Variants in SCHIP1 observed in about 807,000 individuals in gnomAD.
SCHIP1 encodes the protein schwannomin interacting protein 1, also known as schwannomin-interacting protein 1.
SCHIP1 carries 8 observed loss-of-function variants against 29.7 expected under a neutral mutation model. The observed-to-expected ratio is 0.27, with a 90% CI of 0.16 to 0.49. SCHIP1 has a LOEUF of 0.49. SCHIP1 is among the 20% of genes least tolerant of loss of function. The pLI is 0.99. For synonymous variants in SCHIP1, 76 were observed against 94.9 expected, an observed-to-expected ratio of 0.80 and a Z score of 1.16; for missense variants, 193 against 294.6, an observed-to-expected ratio of 0.66 and a Z score of 2.52.
chr3:159,541,411 A>C, the SCHIP1 span, among the ~76,000 whole-genome samples: 1 of 152,100 alleles, frequency 6.6e-6, no homozygotes, highest in Admixed American at 6.6e-5. Context: ...AAGGATTAAA[A>C]GTAGGGAAGT....
chr3:159,279,167 A>C, the SCHIP1 span, among the ~76,000 whole-genome samples: 1 of 152,150 alleles, frequency 6.6e-6, no homozygotes, highest in Non-Finnish European at 1.5e-5. Context: ...AGAGGACCCA[A>C]TGGAGGGTAA....
At chr3:159,678,434 G>T in the SCHIP1 span, among the ~76,000 whole-genome samples, 2 of 152,176 alleles carry the variant, frequency 1.3e-5, no homozygotes, top group African/African-American at 4.8e-5. Context: ...AGCTCTAGTA[G>T]ACACATTTTG....
At chr3:159,426,696 C>A in the SCHIP1 span, among the ~76,000 whole-genome samples, 2 of 152,202 alleles carry the variant, frequency 1.3e-5, no homozygotes, top group Non-Finnish European at 2.9e-5. Flanking sequence ...AGGCCAGCAT[C>A]ATCCTGATAC....
the SCHIP1 span, among the ~76,000 whole-genome samples, chr3:159,469,291 G>A: frequency 1.3e-5 from 2 of 152,080 alleles, no homozygotes; most frequent in Non-Finnish European, 2.9e-5. Flanking sequence ...AAGTAATGAT[G>A]GAGTATGGCA....
At chr3:159,494,415 A>C in the SCHIP1 span, among the ~76,000 whole-genome samples, 6 of 152,160 alleles carry the variant, frequency 3.9e-5, no homozygotes, top group African/African-American at 1.2e-4. Flanking sequence ...AAAATGACAA[A>C]GGAGATATCA....
chr3:159,396,655 C>G, the SCHIP1 span, among the ~76,000 whole-genome samples: 7 of 152,346 alleles, frequency 4.6e-5, no homozygotes, highest in Non-Finnish European at 1.0e-4. Flanking sequence ...GGCCCCAACT[C>G]TCCTCTGGCT....
chr3:159,597,817 G>A, the SCHIP1 span, among the ~76,000 whole-genome samples: 11 of 152,176 alleles, frequency 7.2e-5, no homozygotes, highest in African/African-American at 2.4e-4. Flanking sequence ...TGGATTGAAT[G>A]TGTATTAGCT....
At chr3:159,506,662 T>C in the SCHIP1 span, among the ~76,000 whole-genome samples, 1 of 152,224 alleles carries the variant, frequency 6.6e-6, no homozygotes, top group Non-Finnish European at 1.5e-5. Flanking sequence ...AAGGAAGGGA[T>C]CCAGTTTCAG....
At chr3:159,469,405 G>C in the SCHIP1 span, among the ~76,000 whole-genome samples, 6 of 152,126 alleles carry the variant, frequency 3.9e-5, no homozygotes, top group Non-Finnish European at 7.3e-5. Context: ...AATTCAGAGT[G>C]AAATTGGGAA....
the SCHIP1 span, among the ~76,000 whole-genome samples, chr3:159,473,690 A>AAAAAAAAAAG: frequency 6.8e-6 from 1 of 147,888 alleles, no homozygotes; most frequent in African/African-American, 2.5e-5. Context: ...AAAAAAAAAA[A>AAAAAAAAAAG]AAAAGAAAAG....
chr3:159,713,415 C>G, the SCHIP1 span, among the ~76,000 whole-genome samples: 4 of 152,140 alleles, frequency 2.6e-5, no homozygotes, highest in Admixed American at 2.6e-4. Context: ...ACCCCTCACT[C>G]CAGTTCATAT....
the SCHIP1 span, among the ~76,000 whole-genome samples, chr3:159,704,896 CTTTCTTTCTTTA>C: frequency 8.3e-3 from 618 of 74,136 alleles, 1 homozygote; most frequent in African/African-American, 0.033. Context: ...TTCTTTCTTT[CTTTCTTTCTTTA>C]TTTCTTTCTT....
At chr3:159,491,538 G>T in the SCHIP1 span, among the ~76,000 whole-genome samples, 1 of 152,194 alleles carries the variant, frequency 6.6e-6, no homozygotes, top group Non-Finnish European at 1.5e-5. Flanking sequence ...AAACTGCAAG[G>T]TGACAGCGAG....
At chr3:159,763,790 G>A in the SCHIP1 span, 1 of 152,254 alleles carries the variant, frequency 6.6e-6, no homozygotes, top group Non-Finnish European at 1.5e-5. Context: ...TGGGCCGAGA[G>A]CGCCCCCCAC....
At chr3:159,844,270 AAG>A (rs1036801224) in intron 1 of SCHIP1, among the ~76,000 whole-genome samples, 9 of 152,352 alleles carry the variant, frequency 5.9e-5, no homozygotes, top group African/African-American at 2.2e-4. Context: ...TGTTTTGAAA[AAG>A]AGAGTTTCGC....
chr3:159,398,049 T>C, the SCHIP1 span, among the ~76,000 whole-genome samples: 1 of 152,176 alleles, frequency 6.6e-6, no homozygotes, highest in Non-Finnish European at 1.5e-5. Flanking sequence ...TTAAGCCCAT[T>C]GGAAAAGCGC....
At chr3:159,370,840 G>GAATC in the SCHIP1 span, among the ~76,000 whole-genome samples, 1 of 152,112 alleles carries the variant, frequency 6.6e-6, no homozygotes, top group African/African-American at 2.4e-5. Flanking sequence ...CAGGCCTTCA[G>GAATC]AATCAGACTG....
chr3:159,556,019 A>G, the SCHIP1 span, among the ~76,000 whole-genome samples: 79 of 152,312 alleles, frequency 5.2e-4, no homozygotes, highest in Middle Eastern at 3.4e-3. Context: ...ATACCTATGT[A>G]ACAAACTTAC....
At chr3:159,858,248 C>G (rs1713622471) in intron 1 of SCHIP1, among the ~76,000 whole-genome samples, 1 of 152,116 alleles carries the variant, frequency 6.6e-6, no homozygotes, top group Non-Finnish European at 1.5e-5. Flanking sequence ...AGGTTCGTTC[C>G]CAGCTGTTTG....
Sources: allele counts gnomAD v4.1 joint callset (sites outside exome capture counted in the v4.1 genomes callset), GRCh38; gene constraint gnomAD v4.1.1; transcripts MANE v1.5; gene names NCBI Gene and HGNC (gene_info 2026-07-23, HGNC 2026-07-21).